Variants in SDK1 observed in about 807,000 individuals in gnomAD.
SDK1 encodes protein sidekick-1.
A neutral mutation model predicts 245.5 loss-of-function variants in SDK1; 157 were observed. The observed-to-expected ratio is 0.64, with a 90% CI of 0.56 to 0.73. The LOEUF is 0.73. Among genes scored for constraint, SDK1 ranks in the 30% least tolerant of loss-of-function variants. SDK1 has a pLI of 0.00. For missense variants in SDK1, 3,583 were observed against 3,002.3 expected, an observed-to-expected ratio of 1.19 and a Z score of -4.52; for synonymous variants, 1,647 against 1,278.5, an observed-to-expected ratio of 1.29 and a Z score of -6.15.
intron 17 of SDK1, among the ~76,000 whole-genome samples, chr7:4,032,668 A>T (rs375906233): frequency 1.7e-3 from 256 of 152,370 alleles, no homozygotes; most frequent in African/African-American, 6.0e-3. Flanking sequence ...CCGACTTCAT[A>T]TGCACAAGCA....
chr7:4,175,925 C>A, intron 34 of SDK1, 91 bp downstream of exon 34: 1 of 1,092,982 alleles, frequency 9.1e-7, no homozygotes, highest in Non-Finnish European at 1.4e-6. Context: ...GAAAACCAGC[C>A]TGGATTAATG....
intron 1 of SDK1, among the ~76,000 whole-genome samples, chr7:3,381,610 A>G (rs999014584): frequency 6.6e-6 from 1 of 152,178 alleles, no homozygotes; most frequent in Admixed American, 6.5e-5. Flanking sequence ...AGGAAGGGCC[A>G]TTAAAGACGT....
At chr7:3,351,086 C>T (rs1780648290) in intron 1 of SDK1, among the ~76,000 whole-genome samples, 1 of 152,252 alleles carries the variant, frequency 6.6e-6, no homozygotes, top group East Asian at 1.9e-4. Context: ...AATTTGAAAA[C>T]AGCTTGGTTA....
chr7:3,496,586 T>G (rs539927517), intron 1 of SDK1, among the ~76,000 whole-genome samples: 1 of 152,306 alleles, frequency 6.6e-6, no homozygotes, highest in Non-Finnish European at 1.5e-5. Context: ...ACAGGTTGCT[T>G]GGTGAAAGTG....
chr7:3,762,297 C>T (rs1408482215), intron 4 of SDK1, among the ~76,000 whole-genome samples: 1 of 152,094 alleles, frequency 6.6e-6, no homozygotes, highest in Non-Finnish European at 1.5e-5. Flanking sequence ...CTGATGATGG[C>T]ATTTGTGGAG....
chr7:3,303,865 G>C (rs1051399918), intron 1 of SDK1, among the ~76,000 whole-genome samples: 1 of 152,104 alleles, frequency 6.6e-6, no homozygotes, highest in Non-Finnish European at 1.5e-5. Flanking sequence ...ATTTCTGATG[G>C]GATGATGAGT....
At position 4,113,266 on chromosome 7, in the gene SDK1, CTCA is replaced by C. The variant is rs773779302; in HGVS notation, c.3435-19_3435-17del. On this transcript the variant is annotated intron_variant, in intron 23 of 44. Transcript: ENST00000404826. Reference sequence around the variant, plus strand: ...TTCTTACCTTTGCTTTGCCGTGACTCTCATCAGTGGTTTTTCCTTTAGATTTCG... The same window carrying C: ...TTCTTACCTTTGCTTTGCCGTGACTCTCAGTGGTTTTTCCTTTAGATTTCG... The C allele has an allele frequency of 1.9e-6, 3 of 1,606,824 alleles. No homozygotes were observed. In the Admixed American group the frequency reaches 5.1e-5, roughly 27 times the overall value.
intron 5 of SDK1, among the ~76,000 whole-genome samples, chr7:3,903,785 A>G (rs1303869385): frequency 1.3e-5 from 2 of 152,126 alleles, no homozygotes; most frequent in Non-Finnish European, 2.9e-5. Flanking sequence ...GTGGGGCCTC[A>G]TGGGAGGTGT....
chr7:3,786,379 A>G (rs1329511534), intron 4 of SDK1, among the ~76,000 whole-genome samples: 1 of 152,242 alleles, frequency 6.6e-6, no homozygotes, highest in Non-Finnish European at 1.5e-5. Flanking sequence ...TAGACTTCCT[A>G]CAGGGCATTT....
intron 44 of SDK1, among the ~76,000 whole-genome samples, chr7:4,257,839 G>GA (rs1395375847): frequency 2.6e-5 from 4 of 152,180 alleles, no homozygotes; most frequent in Non-Finnish European, 4.4e-5. Flanking sequence ...GCTGCATTGT[G>GA]AAAAATCCCA....
rs544169047 is a variant in SDK1 at position 4,189,493 on chromosome 7, C to A, written c.5098+10907C>A. On this transcript the variant is annotated intron_variant, in intron 35 of 44. Coordinates refer to ENST00000404826, the MANE Select transcript of SDK1 (RefSeq NM_152744.4). ...GAGAGCCGAGTGTCCAGCACTGTGG[C>A]CTTTAGCCCCGCAACTTTCACCAAA... Among the ~76,000 whole-genome samples, 6 of 152,310 alleles carry A rather than the reference C, an allele frequency of 3.9e-5. No homozygotes were observed. In the South Asian group the frequency reaches 1.2e-3, roughly 32 times the overall value.
intron 5 of SDK1, among the ~76,000 whole-genome samples, chr7:3,880,375 G>C (rs1052741312): frequency 3.9e-5 from 6 of 152,154 alleles, no homozygotes; most frequent in African/African-American, 1.4e-4. Context: ...CCTGATTAGC[G>C]GTTGGGCAAC....
At chr7:3,551,158 A>T (rs1779395282) in intron 1 of SDK1, among the ~76,000 whole-genome samples, 1 of 152,190 alleles carries the variant, frequency 6.6e-6, no homozygotes, top group East Asian at 1.9e-4. Flanking sequence ...GTAGTTTGTC[A>T]GGAGTTACAA....
At chr7:4,006,137 C>G (rs1785471151) in intron 14 of SDK1, among the ~76,000 whole-genome samples, 2 of 152,224 alleles carry the variant, frequency 1.3e-5, no homozygotes, top group Non-Finnish European at 2.9e-5. Context: ...AATTGAGAAA[C>G]TGATAATGCT....
intron 5 of SDK1, among the ~76,000 whole-genome samples, chr7:3,871,771 C>T (rs1267948641): frequency 6.6e-6 from 1 of 152,170 alleles, no homozygotes; most frequent in Non-Finnish European, 1.5e-5. Context: ...CCAACGCCAC[C>T]CACCAGGCCC....
intron 1 of SDK1, among the ~76,000 whole-genome samples, chr7:3,310,328 A>G (rs1453730723): frequency 6.6e-6 from 1 of 152,214 alleles, no homozygotes; most frequent in Admixed American, 6.5e-5. Flanking sequence ...TTGTTGCAAA[A>G]TTGAGAATGG....
In SDK1 at chr7:3,951,780, C is replaced by G; in HGVS notation, c.1010C>G (p.Thr337Ser). The change falls in exon 7 of 45, where the codon ACC becomes AGC. Residue 337 changes from threonine to serine, a missense_variant. Physicochemically the swap from Thr to Ser is moderately conservative, Grantham distance 58. Coordinates refer to ENST00000404826, the MANE Select transcript of SDK1 (RefSeq NM_152744.4). ...VTWKRNGVRI[T>S]SGLHSFGRRL... ...TGGAAGAGGAATGGAGTGAGAATCACCAGTGGCCTCCACAGCTTTGGAAGA... is the reference window on the plus strand; with the variant it reads ...TGGAAGAGGAATGGAGTGAGAATCAGCAGTGGCCTCCACAGCTTTGGAAGA... The G allele has an allele frequency of 6.2e-7, 1 of 1,613,882 alleles. No individual in the cohort carries two copies. The highest frequency in any genetic ancestry group is 8.5e-7 in the Non-Finnish European group (1 of 1,180,014).
chr7:3,945,748 A>C (rs554231484), intron 5 of SDK1, among the ~76,000 whole-genome samples: 3 of 151,722 alleles, frequency 2.0e-5, no homozygotes, highest in African/African-American at 7.2e-5. Context: ...AAATACAAAA[A>C]ATAAGCCAGG....
chr7:3,426,459 A>G (rs1304262898), intron 1 of SDK1, among the ~76,000 whole-genome samples: 1 of 152,166 alleles, frequency 6.6e-6, no homozygotes, highest in Non-Finnish European at 1.5e-5. Context: ...TCTGCTCCTC[A>G]TTTCCCTTCT....
Sources: allele counts gnomAD v4.1 joint callset (sites outside exome capture counted in the v4.1 genomes callset), GRCh38; gene constraint gnomAD v4.1.1; transcripts MANE v1.5; gene names NCBI Gene and HGNC (gene_info 2026-07-23, HGNC 2026-07-21).